Variants in DHX15 observed in about 807,000 individuals in gnomAD.
The protein encoded by DHX15 is ATP-dependent RNA helicase DHX15.
A neutral mutation model predicts 94.4 loss-of-function variants in DHX15; 11 were observed. The observed-to-expected ratio is 0.12, with a 90% CI of 0.07 to 0.19. The LOEUF is 0.19. Among genes scored for constraint, DHX15 ranks in the 10% least tolerant of loss-of-function variants. DHX15 has a pLI of 1.00. For synonymous variants in DHX15, 338 were observed against 329.9 expected, an observed-to-expected ratio of 1.02 and a Z score of -0.27; for missense variants, 304 against 988.5, an observed-to-expected ratio of 0.31 and a Z score of 9.29.
At chr4:24,535,663 A>G (rs1483765731) in intron 11 of DHX15, among the ~76,000 whole-genome samples, 1 of 152,158 alleles carries the variant, frequency 6.6e-6, no homozygotes, top group Non-Finnish European at 1.5e-5. Flanking sequence ...CTAGTCATCA[A>G]TTCTTTTCAA....
intron 4 of DHX15, among the ~76,000 whole-genome samples, chr4:24,555,396 C>CT (rs1361710950): frequency 5.9e-5 from 9 of 151,858 alleles, no homozygotes; most frequent in African/African-American, 2.2e-4. Flanking sequence ...CAGGTTCTCA[C>CT]TAAAACCTTG....
intron 5 of DHX15, among the ~76,000 whole-genome samples, chr4:24,550,789 T>C (rs753331533): frequency 1.3e-5 from 2 of 152,218 alleles, no homozygotes; most frequent in Non-Finnish European, 2.9e-5. Flanking sequence ...TGTAGTATAG[T>C]AAATACAAAA....
intron 3 of DHX15, 70 bp downstream of exon 3, chr4:24,570,582 CAA>C: frequency 6.9e-7 from 1 of 1,443,996 alleles, no homozygotes; most frequent in Non-Finnish European, 9.6e-7. Flanking sequence ...CCTGCACTAG[CAA>C]AGTCTTCTAT....
intron 12 of DHX15, 37 bp downstream of exon 12, chr4:24,532,827 G>T: frequency 6.8e-7 from 1 of 1,462,378 alleles, no homozygotes. Flanking sequence ...AGTGTCATAT[G>T]AATACTTAGT....
At chr4:24,542,666 A>G (rs1048014609) in intron 7 of DHX15, among the ~76,000 whole-genome samples, 5 of 152,148 alleles carry the variant, frequency 3.3e-5, no homozygotes, top group Non-Finnish European at 7.4e-5. Context: ...CCATACTGTT[A>G]AATGAATATA....
rs537495257 is a variant in DHX15 at position 24,554,573 on chromosome 4, G to A, written c.1080+152C>T. 1.0e-4 allele frequency: 63 copies of A among 609,856 alleles called. 1 individual carries two copies. The Middle Eastern group carries it at 3.1e-3, about 30-fold the overall frequency. 37.8% of individuals were successfully genotyped at this position (609,856 alleles called of 1,614,324 possible). On this transcript the variant is annotated intron_variant, in intron 5 of 13. Transcript: ENST00000336812. The stretch of plus-strand genomic sequence containing the variant: ...TACAGAAGTATTCCTACAGTATGCA[G>A]ATAAAAGGGGTTATATATTTTACAT...
intron 3 of DHX15, among the ~76,000 whole-genome samples, chr4:24,562,357 A>G (rs1721896500): frequency 1.3e-5 from 2 of 152,166 alleles, no homozygotes; most frequent in Admixed American, 1.3e-4. Context: ...CACTCAGAGA[A>G]TTACATGGAG....
chr4:24,552,239 G>C (rs1481605243), intron 5 of DHX15, among the ~76,000 whole-genome samples: 1 of 152,106 alleles, frequency 6.6e-6, no homozygotes, highest in African/African-American at 2.4e-5. Flanking sequence ...AATAAAGACA[G>C]ACAGTTCAGG....
intron 6 of DHX15, among the ~76,000 whole-genome samples, chr4:24,546,145 C>A (rs961921565): frequency 6.6e-6 from 1 of 152,180 alleles, no homozygotes; most frequent in Non-Finnish European, 1.5e-5. Context: ...CCAGGGAACT[C>A]TGTGGTGGTC....
At chr4:24,584,233 G>T in intron 1 of DHX15, 90 bp downstream of exon 1, 5 of 1,323,894 alleles carry the variant, frequency 3.8e-6, no homozygotes, top group Non-Finnish European at 5.2e-6. Context: ...CGGGCTCCAG[G>T]ACCCGCTCGG....
chr4:24,529,201 C>T (rs1301368331), intron 13 of DHX15, among the ~76,000 whole-genome samples: 1 of 151,946 alleles, frequency 6.6e-6, no homozygotes, highest in Non-Finnish European at 1.5e-5. Context: ...AATTTTTGTA[C>T]ACACCTATAT....
At chr4:24,547,902 T>G (rs1334584015) in intron 6 of DHX15, among the ~76,000 whole-genome samples, 1 of 13,110 alleles carries the variant, frequency 7.6e-5, no homozygotes, top group Non-Finnish European at 2.3e-4. Flanking sequence ...TGTATGTATG[T>G]GTATATATAT....
Position 24,533,011 on chromosome 4 carries a change from G to A in DHX15, c.1953C>T (p.Tyr651=). The A allele has an allele frequency of 6.2e-7, 1 of 1,614,132 alleles. No homozygotes were observed. The highest frequency in any genetic ancestry group is 1.1e-5 in the South Asian group (1 of 91,080). ...CATTGTCTGCGGACATCAGGGACCT[G>A]TAGTTAATGAAGTTGTCATAACACC... ...VQWCYDNFIN[Y]RSLMSADNVR... The change falls in exon 12 of 14, where the codon TAC becomes TAT. Residue 651 remains tyrosine, a synonymous_variant. Coordinates refer to ENST00000336812, the MANE Select transcript of DHX15 (RefSeq NM_001358.3).
intron 1 of DHX15, 154 bp downstream of exon 1, chr4:24,584,169 C>G (rs1041081862): frequency 3.8e-6 from 3 of 786,436 alleles, no homozygotes; most frequent in Non-Finnish European, 5.9e-6. Flanking sequence ...CGAACGGGCG[C>G]CGCGCTTCTC....
intron 3 of DHX15, among the ~76,000 whole-genome samples, chr4:24,558,891 A>C (rs944272744): frequency 2.6e-5 from 4 of 152,132 alleles, no homozygotes; most frequent in African/African-American, 9.7e-5. Context: ...CCCAGTCCTA[A>C]GTCTCTCCTA....
chr4:24,561,408 C>G (rs186143165), intron 3 of DHX15, among the ~76,000 whole-genome samples: 1 of 152,126 alleles, frequency 6.6e-6, no homozygotes, highest in Non-Finnish European at 1.5e-5. Context: ...GGCAACTTCT[C>G]AAAGATTTAT....
chr4:24,543,553 T>C (rs552221820), intron 6 of DHX15, among the ~76,000 whole-genome samples: 265 of 152,252 alleles, frequency 1.7e-3, no homozygotes, highest in African/African-American at 5.9e-3. Context: ...CAGAATCAAA[T>C]GTAAATATTT....
chr4:24,575,576 T>C (rs61793309), intron 2 of DHX15, among the ~76,000 whole-genome samples: 57,469 of 152,068 alleles, frequency 0.38, 11,311 homozygotes, highest in South Asian at 0.58. Flanking sequence ...AAAGGTAAAT[T>C]GATACGCTCC....
At chr4:24,575,684 A>T (rs767119182) in intron 2 of DHX15, among the ~76,000 whole-genome samples, 14 of 152,304 alleles carry the variant, frequency 9.2e-5, no homozygotes, top group African/African-American at 3.4e-4. Context: ...CATGCAAAAC[A>T]ACCATGGGAA....
Sources: allele counts gnomAD v4.1 joint callset (sites outside exome capture counted in the v4.1 genomes callset), GRCh38; gene constraint gnomAD v4.1.1; transcripts MANE v1.5; gene names NCBI Gene and HGNC (gene_info 2026-07-23, HGNC 2026-07-21).